The following FBN2 variants were observed in gnomAD, a reference collection of about 807,000 sequenced individuals.
FBN2 encodes fibrillin 2, also known as fibrillin-2.
FBN2 carries 105 observed loss-of-function variants against 355.6 expected under a neutral mutation model. The ratio of observed to expected loss-of-function variants is 0.30; its 90% CI spans 0.25 to 0.35. FBN2 has a LOEUF of 0.35. FBN2 is among the 10% of genes least tolerant of loss of function. The pLI is 1.00. For synonymous variants in FBN2, 1,350 were observed against 1,301.2 expected (o/e 1.04, Z -0.81); for missense variants, 3,280 against 3,758.7 (o/e 0.87, Z 3.33).
chr5:128,456,023 A>AAAAACAAAAAAAAAAAAAAAAAAGC (rs1554070903), intron 6 of FBN2, among the ~76,000 whole-genome samples: 1 of 145,782 alleles, frequency 6.9e-6, no homozygotes, highest in Non-Finnish European at 1.5e-5. Context: ...AAAAAAAAAA[A>AAAAACAAAAAAAAAAAAAAAAAAGC]GCAACTGCTG....
Position 128,261,832 on chromosome 5 carries a change from A to G in FBN2, c.8268T>C (p.Ala2756=). ...ACTCGTAGCATGCTTCTGGGGACAGAGCATTTTCCTCATCGACCTCTGTAT... is the reference window on the plus strand; with the variant it reads ...ACTCGTAGCATGCTTCTGGGGACAGGGCATTTTCCTCATCGACCTCTGTAT... ...SLDTEVDEEN[A]LSPEACYECK... The change falls in exon 64 of 65, where the codon GCT becomes GCC. Residue 2756 remains alanine (A), a synonymous_variant. Transcript: ENST00000262464. The G allele has an allele frequency of 2.5e-6, 4 of 1,614,090 alleles. No individual in the cohort carries two copies. Among genetic ancestry groups the G allele is most frequent in the Non-Finnish European group, 1.7e-6 (2 of 1,179,936 alleles).
At chr5:128,342,791 C>T (rs866206659) in intron 25 of FBN2, among the ~76,000 whole-genome samples, 5 of 151,542 alleles carry the variant, frequency 3.3e-5, no homozygotes, top group African/African-American at 4.8e-5. Context: ...TGCAATAGCA[C>T]GATCTCGGCT....
intron 31 of FBN2, among the ~76,000 whole-genome samples, chr5:128,333,990 C>G (rs1044536671): frequency 1.3e-5 from 2 of 151,854 alleles, no homozygotes; most frequent in Non-Finnish European, 2.9e-5. Context: ...CTTAAGTCTT[C>G]CACCACCTGC....
At chr5:128,326,286 A>G (rs1750544846) in intron 34 of FBN2, among the ~76,000 whole-genome samples, 1 of 152,176 alleles carries the variant, frequency 6.6e-6, no homozygotes, top group Non-Finnish European at 1.5e-5. Context: ...AAAGTTTCGT[A>G]AGGTGGAGGG....
chr5:128,500,195 A>AT (rs1561486893), intron 5 of FBN2, among the ~76,000 whole-genome samples: 1 of 151,780 alleles, frequency 6.6e-6, no homozygotes, highest in African/African-American at 2.4e-5. Context: ...GAGTAAAACC[A>AT]TATCACAGAG....
In FBN2 at chr5:128,379,006, AT is replaced by A. The variant is rs554561029; in HGVS notation, c.1604-117del. On this transcript the variant is annotated intron_variant, in intron 11 of 64. Transcript: ENST00000262464. ...AGGCCAGTCAGTGGTAATAGTCTAA[AT>A]AGCGAAGTATTTATAAATGAATGAA... 9.1e-6 allele frequency: 10 copies of A among 1,104,268 alleles called. No homozygotes were observed. In the South Asian group the frequency reaches 1.3e-4, roughly 14 times the overall value. 68.4% of individuals were successfully genotyped at this position (1,104,268 alleles called of 1,614,324 possible).
At chr5:128,406,984 C>T (rs549088533) in intron 8 of FBN2, among the ~76,000 whole-genome samples, 44 of 152,290 alleles carry the variant, frequency 2.9e-4, no homozygotes, top group African/African-American at 7.5e-4. Flanking sequence ...AAGATAGAAA[C>T]TCTGATTCAT....
chr5:128,473,932 T>A (rs780583072), intron 5 of FBN2, among the ~76,000 whole-genome samples: 3 of 152,260 alleles, frequency 2.0e-5, no homozygotes, highest in Non-Finnish European at 4.4e-5. Context: ...TTCAGTGGAA[T>A]GTGGGCTTGG....
At chr5:128,497,427 G>C (rs1391024590) in intron 5 of FBN2, among the ~76,000 whole-genome samples, 2 of 152,136 alleles carry the variant, frequency 1.3e-5, no homozygotes, top group African/African-American at 4.8e-5. Context: ...ACAAAATAGT[G>C]GGGGCAACAA....
rs1487369652 is a variant in FBN2, at chr5:128,339,022, C to T, written c.3383G>A (p.Ser1128Asn). 2.5e-6 allele frequency: 4 copies of T among 1,614,014 alleles called. No homozygotes were observed. Among genetic ancestry groups the T allele is most frequent in the South Asian group, 2.2e-5 (2 of 91,078 alleles). The part of the protein sequence containing the change: ...ECRISPDLCG[S>N]GICVNTPGSF... ...GCCCGGTGTATTGACGCAGATTCCA[C>T]TGCCACAGAGGTCAGGAGAAATCCT... The change falls in exon 26 of 65, where the codon AGT (serine) becomes AAT (asparagine). Residue 1128 changes from serine to asparagine, a missense_variant. Around this residue, in one of 6 missense-constraint regions of FBN2, gnomAD observed 2,284 missense variants for 2,749.5 expected, o/e 0.83. Coordinates refer to ENST00000262464, the MANE Select transcript of FBN2 (RefSeq NM_001999.4).
intron 34 of FBN2, among the ~76,000 whole-genome samples, chr5:128,325,853 T>C (rs776116239): frequency 8.5e-5 from 13 of 152,136 alleles, no homozygotes; most frequent in Admixed American, 6.5e-4. Context: ...TTTTATTTAA[T>C]AGTCCTCTTA....
intron 5 of FBN2, among the ~76,000 whole-genome samples, chr5:128,501,689 G>A (rs1755820756): frequency 6.6e-6 from 1 of 151,906 alleles, no homozygotes; most frequent in Admixed American, 6.6e-5. Context: ...AAGTCTAAAT[G>A]ATCAAACAAA....
chr5:128,378,787 G>A lies in FBN2; in HGVS notation c.1707C>T (p.Thr569=). 1 of 1,613,060 alleles carries A rather than the reference G, an allele frequency of 6.2e-7. No homozygotes were observed. The highest frequency in any genetic ancestry group is 8.5e-7 in the Non-Finnish European group (1 of 1,179,326). Residue 569 remains threonine (T), a synonymous_variant, in exon 12 of 65, where the codon ACC becomes ACT. Coordinates refer to ENST00000262464, the MANE Select transcript of FBN2 (RefSeq NM_001999.4). ...CTGCCTTACCAATGCATGCTTGCTT[G>A]GTAGGAGTCCTCTGGAATCCAGCAT... ...KCHAGFQRTP[T]KQACIDIDEC...
intron 5 of FBN2, among the ~76,000 whole-genome samples, chr5:128,468,186 C>A (rs1327691149): frequency 6.6e-6 from 1 of 152,154 alleles, no homozygotes; most frequent in Non-Finnish European, 1.5e-5. Context: ...TAAGTGAAAT[C>A]ATATAACACG....
chr5:128,402,865 A>T lies in FBN2; in HGVS notation c.1078+5809T>A, dbSNP rs148593290. On this transcript the variant is annotated intron_variant, in intron 8 of 64. Transcript: ENST00000262464. ...ATTCCTAAAATACTTTCATGTTTAC[A>T]TTGTTTAAGAGTAACTATAGAACTA... Among the ~76,000 whole-genome samples the T allele has an allele frequency of 4.0e-4, 61 of 152,306 alleles. No individual in the cohort carries two copies. In the East Asian group the frequency reaches 9.8e-3, roughly 25 times the overall value.
intron 50 of FBN2, 85 bp from the exon 51 acceptor site, chr5:128,290,032 T>A (rs1749278211): frequency 1.3e-6 from 1 of 769,674 alleles, no homozygotes; most frequent in Non-Finnish European, 2.3e-6. Context: ...ATACATGAAA[T>A]TACACTTAAT....
At chr5:128,447,781 G>A (rs1581305244) in intron 6 of FBN2, among the ~76,000 whole-genome samples, 1 of 152,206 alleles carries the variant, frequency 6.6e-6, no homozygotes, top group African/African-American at 2.4e-5. Flanking sequence ...CTGCCGACAT[G>A]TGATGTCTCC....
chr5:128,293,144 GT>G (rs1304410939), intron 48 of FBN2, among the ~76,000 whole-genome samples: 5 of 152,190 alleles, frequency 3.3e-5, no homozygotes, highest in African/African-American at 1.2e-4. Flanking sequence ...ATGTGTGTGT[GT>G]GGTCATGTTA....
chr5:128,321,899 A>T (rs1278179071), intron 34 of FBN2, among the ~76,000 whole-genome samples: 3 of 151,928 alleles, frequency 2.0e-5, no homozygotes, highest in Admixed American at 2.0e-4. Context: ...ACTAATTTAT[A>T]CTCCCACCAA....
Sources: gnomAD v4.1 joint callset for allele counts (sites outside exome capture counted in the v4.1 genomes callset) on GRCh38, gnomAD v4.1.1 for gene constraint, gnomAD v4.1.1 regional missense constraint, MANE v1.5 for transcripts, NCBI Gene and HGNC (gene_info 2026-07-23, HGNC 2026-07-21) for gene names.